The following CYTL1 variants were observed in gnomAD, a reference collection of about 807,000 sequenced individuals.
CYTL1 encodes the protein cytokine like 1.
Under a neutral mutation model 13.1 loss-of-function variants are expected in CYTL1, and 17 were observed. The observed-to-expected ratio is 1.29, with a 90% CI of 0.89 to 1.94. CYTL1 has a LOEUF of 1.94. Ranked by LOEUF, CYTL1 falls within the 30% of genes most tolerant of loss-of-function variation. CYTL1 has a pLI of 0.00. For missense variants in CYTL1, 213 were observed against 174.8 expected, an observed-to-expected ratio of 1.22 and a Z score of -1.23; for synonymous variants, 91 against 79.4, an observed-to-expected ratio of 1.15 and a Z score of -0.78.
intron 1 of CYTL1, among the ~76,000 whole-genome samples, chr4:5,019,003 C>CTTTTTTTTTTTTTTTTTTTTTTGTTT (rs1741136381): frequency 1.1e-5 from 1 of 89,646 alleles, no homozygotes; most frequent in Non-Finnish European, 2.1e-5. Flanking sequence ...TTTCTTTTTT[C>CTTTTTTTTTTTTTTTTTTTTTTGTTT]TTTTTTTTTT....
In CYTL1 at chr4:5,019,303, G is replaced by C. The variant is rs550274277; in HGVS notation, c.143C>G (p.Ser48Trp). 2.0e-6 allele frequency: 3 copies of C among 1,497,536 alleles called. No homozygotes were observed. Among genetic ancestry groups the C allele is most frequent in the South Asian group, 1.3e-5 (1 of 75,150 alleles). The allele number at this position is 1,497,536 out of a possible 1,614,324, so 92.8% of individuals were successfully genotyped here. A position where few individuals can be genotyped will look rare whatever the true frequency, so the allele number is the denominator to read the frequency against. The change falls in exon 1 of 4, where the codon TCG becomes TGG. Residue 48 changes from serine to tryptophan, a missense_variant. Coordinates refer to ENST00000307746, the MANE Select transcript of CYTL1 (RefSeq NM_018659.3). The stretch of plus-strand genomic sequence containing the variant: ...GGGCGGGGGACTCACCGAGGGCTCC[G>C]AGACCTGCAGGAGGTTGAAGTCGCG... Reference protein sequence around the residue: ...ITRDFNLLQVSEPSEPCVRYL... With the variant: ...ITRDFNLLQVWEPSEPCVRYL...
At chr4:5,017,669 G>T (rs1741104593) in intron 1 of CYTL1, among the ~76,000 whole-genome samples, 1 of 150,760 alleles carries the variant, frequency 6.6e-6, no homozygotes, top group African/African-American at 2.4e-5. Flanking sequence ...CTATATAACA[G>T]TTGTATAACT....
intron 3 of CYTL1, among the ~76,000 whole-genome samples, chr4:5,015,662 G>T (rs150820807): frequency 4.7e-4 from 71 of 152,318 alleles, no homozygotes; most frequent in African/African-American, 1.6e-3. Context: ...ACCAAAGGGA[G>T]CAGGGAGGAG....
In CYTL1 at chr4:5,019,424, G is replaced by A; in HGVS notation, c.22C>T (p.Pro8Ser). The stretch of plus-strand genomic sequence containing the variant: ...CCCGCCAGGAGCAGCAGCAGCACGG[G>A]CAGAGGCCCAGGCGTCCTCATGGTG... MRTPGPL[P>S]VLLLLLAGAP... is the part of the protein sequence containing the mutation. Residue 8 changes from proline (P) to serine (S), a missense_variant, in exon 1 of 4, where the codon CCC (proline) becomes TCC (serine). Pro to Ser is a moderately conservative substitution (Grantham distance 74). Coordinates refer to ENST00000307746, the MANE Select transcript of CYTL1 (RefSeq NM_018659.3). 6.7e-7 allele frequency: 1 copy of A among 1,482,786 alleles called. No homozygotes were observed. 91.9% of individuals were successfully genotyped at this position (1,482,786 alleles called of 1,614,324 possible).
At chr4:5,018,986 C>CT (rs1285068873) in intron 1 of CYTL1, among the ~76,000 whole-genome samples, 13 of 139,672 alleles carry the variant, frequency 9.3e-5, no homozygotes, top group East Asian at 4.1e-4. Context: ...CCTCCCACTC[C>CT]TTTTTTTTTC....
intron 1 of CYTL1, among the ~76,000 whole-genome samples, chr4:5,018,003 A>G (rs1172017808): frequency 6.6e-6 from 1 of 152,198 alleles, no homozygotes; most frequent in Non-Finnish European, 1.5e-5. Context: ...TGTGGTTCAG[A>G]GCCTCTGAAC....
Position 5,014,941 on chromosome 4 carries a change from A to T in CYTL1, c.*210T>A. 1.8e-6 allele frequency: 1 copy of T among 565,938 alleles called. No individual in the cohort carries two copies. The highest frequency in any genetic ancestry group is 3.2e-5 in the Admixed American group (1 of 31,326). The allele number at this position is 565,938 out of a possible 1,614,324, so 35.1% of individuals were successfully genotyped here. A position where few individuals can be genotyped will look rare whatever the true frequency, so the allele number is the denominator to read the frequency against. On this transcript the variant is annotated 3_prime_UTR_variant, in exon 4 of 4. Coordinates refer to ENST00000307746, the MANE Select transcript of CYTL1 (RefSeq NM_018659.3). ...TAACCATCCTGGCAAGACATGAGTC[A>T]AGGGAATGAGAAGCATGGTTGCTAA...
chr4:5,018,314 T>C (rs1365349493), intron 1 of CYTL1, among the ~76,000 whole-genome samples: 1 of 152,192 alleles, frequency 6.6e-6, no homozygotes, highest in Non-Finnish European at 1.5e-5. Context: ...GTGGTAGAAT[T>C]ACAAGCAAGA....
At chr4:5,019,206 T>C (rs1741142954) in intron 1 of CYTL1, 87 bp downstream of exon 1, 1 of 1,182,202 alleles carries the variant, frequency 8.5e-7, no homozygotes, top group Non-Finnish European at 1.1e-6. Flanking sequence ...CTTTTCTCTC[T>C]CTCTCTCTTT....
chr4:5,017,813 T>C (rs1741108733), intron 1 of CYTL1, among the ~76,000 whole-genome samples: 4 of 152,194 alleles, frequency 2.6e-5, no homozygotes. Flanking sequence ...AGTGCATAAA[T>C]TTGCATACTT....
In CYTL1 at chr4:5,017,583, T is replaced by C. The variant is rs1218512782; in HGVS notation, c.154-404A>G. 2.0e-5 allele frequency among the ~76,000 whole-genome samples: 3 copies of C among 151,140 alleles called. No individual in the cohort carries two copies. In the East Asian group the frequency reaches 5.8e-4, roughly 29 times the overall value. ...ACAGTTCTATAACTATTTAGTTATA[T>C]AACAGTTGTATAAGTTAGTTATATA... On this transcript the variant is annotated intron_variant, in intron 1 of 3. Transcript: ENST00000307746.
At position 5,014,787 on chromosome 4, in the gene CYTL1, G is replaced by A. The variant is rs185597800; in HGVS notation, c.*364C>T. 5 of 215,000 alleles carry A rather than the reference G, an allele frequency of 2.3e-5. No individual in the cohort carries two copies. In the East Asian group the frequency reaches 7.7e-4, roughly 33 times the overall value. 13.3% of individuals were successfully genotyped at this position (215,000 alleles called of 1,614,324 possible). A position where few individuals can be genotyped will look rare whatever the true frequency, so the allele number is the denominator to read the frequency against. Reference sequence around the variant, plus strand: ...AGGTTTCTATCAAGAAAGAATAAAAGTACCATTACTCCATTAAACCAGTAA... The same window carrying A: ...AGGTTTCTATCAAGAAAGAATAAAAATACCATTACTCCATTAAACCAGTAA... On this transcript the variant is annotated 3_prime_UTR_variant, in exon 4 of 4. Transcript: ENST00000307746.
intron 1 of CYTL1, among the ~76,000 whole-genome samples, chr4:5,019,031 T>A (rs1741139380): frequency 6.9e-6 from 1 of 144,856 alleles, no homozygotes; most frequent in African/African-American, 2.6e-5. Flanking sequence ...TTTTTTTACA[T>A]TTTACAACAG....
chr4:5,015,676 G>A (rs1741057552), intron 3 of CYTL1, among the ~76,000 whole-genome samples: 1 of 152,160 alleles, frequency 6.6e-6, no homozygotes, highest in African/African-American at 2.4e-5. Context: ...GGAGGAGGAG[G>A]AAACTGGGTG....
In CYTL1 at chr4:5,016,926, G is replaced by A. The variant is rs746248080; in HGVS notation, c.237C>T (p.Ala79=). 1.2e-6 allele frequency: 2 copies of A among 1,614,182 alleles called. No homozygotes were observed. Among genetic ancestry groups the A allele is most frequent in the Non-Finnish European group, 1.7e-6 (2 of 1,180,032 alleles). ...CVLDKLRDFV[A]SPPCWKVAQV... is the part of the protein sequence containing the mutation. Reference sequence around the variant, plus strand: ...GGGCCACTTTCCAACACGGGGGCGAGGCCACAAAGTCCCGCAGCTTGTCCA... The same window carrying A: ...GGGCCACTTTCCAACACGGGGGCGAAGCCACAAAGTCCCGCAGCTTGTCCA... The change falls in exon 3 of 4, where the codon GCC becomes GCT. Residue 79 remains alanine (A), a synonymous_variant. Transcript: ENST00000307746.
intron 1 of CYTL1, 35 bp downstream of exon 1, chr4:5,019,258 C>G (rs775296452): frequency 1.4e-6 from 2 of 1,411,950 alleles, no homozygotes; most frequent in Non-Finnish European, 1.9e-6. Context: ...CTGGGTCTGC[C>G]ATGCACCCCT....
At chr4:5,017,818 A>C (rs1026620983) in intron 1 of CYTL1, among the ~76,000 whole-genome samples, 1 of 152,168 alleles carries the variant, frequency 6.6e-6, no homozygotes, top group Non-Finnish European at 1.5e-5. Flanking sequence ...ATAAATTTGC[A>C]TACTTTTATA....
intron 3 of CYTL1, among the ~76,000 whole-genome samples, chr4:5,016,256 C>G (rs1414711873): frequency 6.6e-6 from 1 of 152,170 alleles, no homozygotes; most frequent in African/African-American, 2.4e-5. Flanking sequence ...TAGACTACCC[C>G]CCAGCCTCCT....
At chr4:5,016,552 C>G (rs1364015970) in intron 3 of CYTL1, among the ~76,000 whole-genome samples, 1 of 152,212 alleles carries the variant, frequency 6.6e-6, no homozygotes, top group African/African-American at 2.4e-5. Flanking sequence ...TCTACCCTGC[C>G]TCACTTGGCT....
Sources: allele counts gnomAD v4.1 joint callset (sites outside exome capture counted in the v4.1 genomes callset), GRCh38; gene constraint gnomAD v4.1.1; transcripts MANE v1.5; gene names NCBI Gene and HGNC (gene_info 2026-07-23, HGNC 2026-07-21).